KIF3A: variants seen among roughly 807,000 people sequenced by gnomAD.
KIF3A encodes the protein kinesin-like protein KIF3A.
In KIF3A, 27 loss-of-function variants were observed where a neutral mutation model predicts 92.6. The observed-to-expected ratio is 0.29, with a 90% CI of 0.21 to 0.40. The LOEUF (loss-of-function observed/expected upper bound fraction) is 0.40, where lower values mean the gene tolerates loss of function less well. Ranked by LOEUF, KIF3A falls within the 10% of genes least tolerant of loss-of-function variation. KIF3A has a pLI of 1.00. For synonymous variants in KIF3A, 250 were observed against 275.4 expected, an observed-to-expected ratio of 0.91 and a Z score of 0.92; for missense variants, 581 against 872.6, an observed-to-expected ratio of 0.67 and a Z score of 4.21.
intron 11 of KIF3A, among the ~76,000 whole-genome samples, chr5:132,705,744 C>A (rs3798132): frequency 6.6e-6 from 1 of 151,750 alleles, no homozygotes; most frequent in African/African-American, 2.4e-5. Flanking sequence ...ATCACTCTGA[C>A]AAATCATTAT....
At chr5:132,721,707 C>G (rs1581090361) in intron 4 of KIF3A, 1 of 136,262 alleles carries the variant, frequency 7.3e-6, no homozygotes, top group African/African-American at 3.1e-5. Flanking sequence ...AGCCCTAATT[C>G]TATTAGTAGT....
At chr5:132,700,549 C>G (rs1752999253) in intron 16 of KIF3A, 98 bp downstream of exon 16, 2 of 794,030 alleles carry the variant, frequency 2.5e-6, no homozygotes, top group South Asian at 3.0e-5. Context: ...TCTGATTCAT[C>G]TACTGGACCA....
At chr5:132,727,195 A>G (rs564617992) in intron 2 of KIF3A, among the ~76,000 whole-genome samples, 2 of 152,380 alleles carry the variant, frequency 1.3e-5, no homozygotes, top group Admixed American at 6.5e-5. Context: ...AACTTTCTAA[A>G]TACCCAAATT....
At chr5:132,736,139 C>T (rs934272271) in intron 1 of KIF3A, among the ~76,000 whole-genome samples, 1 of 152,224 alleles carries the variant, frequency 6.6e-6, no homozygotes, top group Non-Finnish European at 1.5e-5. Context: ...TTTACTTTTG[C>T]TTGTTCCTTA....
chr5:132,729,158 G>A (rs1754140361), intron 2 of KIF3A, among the ~76,000 whole-genome samples: 1 of 152,132 alleles, frequency 6.6e-6, no homozygotes, highest in Non-Finnish European at 1.5e-5. Context: ...AGAGATAAAA[G>A]ACTACACATT....
At chr5:132,702,343 A>T (rs1365091223) in intron 14 of KIF3A, 131 bp from the exon 15 acceptor site, 2 of 849,458 alleles carry the variant, frequency 2.4e-6, no homozygotes, top group African/African-American at 1.7e-5. Flanking sequence ...AATGATAAAC[A>T]GCGTGACACT....
At chr5:132,724,669 G>GCATTA (rs1001163690) in intron 4 of KIF3A, among the ~76,000 whole-genome samples, 1 of 151,166 alleles carries the variant, frequency 6.6e-6, no homozygotes, top group Non-Finnish European at 1.5e-5. Flanking sequence ...GGGAGGGATA[G>GCATTA]CATTAGGAGA....
chr5:132,716,948 G>C lies in KIF3A; in HGVS notation c.653C>G (p.Ser218Cys). 2 of 1,613,758 alleles carry C rather than the reference G, an allele frequency of 1.2e-6. No individual in the cohort carries two copies. The highest frequency in any genetic ancestry group is 1.7e-6 in the Non-Finnish European group (2 of 1,179,788). Residue 218 changes from serine to cysteine, a missense_variant, in exon 6 of 19, where the codon TCC becomes TGC. By Grantham distance (112) the Ser-to-Cys change is moderately radical. Transcript: ENST00000403231. ...VGATNMNEHS[S>C]RSHAIFTITI... ...AATTGTAAAGATGGCATGGGAACGGGAACTATGTTCGTTCATATTAGTTGC... is the reference window on the plus strand; with the variant it reads ...AATTGTAAAGATGGCATGGGAACGGCAACTATGTTCGTTCATATTAGTTGC...
intron 7 of KIF3A, 148 bp from the exon 8 acceptor site, chr5:132,716,079 A>G (rs1753611162): frequency 1.2e-6 from 1 of 845,940 alleles, no homozygotes; most frequent in Non-Finnish European, 1.8e-6. Context: ...TGAGTTTCCA[A>G]AGGACACTAT....
rs1752843892 is a variant in KIF3A, at chr5:132,696,582, T to C, written c.*52A>G. ...TTCACTGTTTTAATTAAAGATTTTGTCCAGGCATGAGAATATCACTAATTT... is the reference window on the plus strand; with the variant it reads ...TTCACTGTTTTAATTAAAGATTTTGCCCAGGCATGAGAATATCACTAATTT... On this transcript the variant is annotated 3_prime_UTR_variant, in exon 19 of 19. Transcript: ENST00000403231. 2.8e-6 allele frequency: 3 copies of C among 1,085,354 alleles called. No homozygotes were observed. Among genetic ancestry groups the C allele is most frequent in the Non-Finnish European group, 4.2e-6 (3 of 713,716 alleles). 67.2% of individuals were successfully genotyped at this position (1,085,354 alleles called of 1,614,324 possible).
intron 1 of KIF3A, among the ~76,000 whole-genome samples, chr5:132,736,140 T>C (rs1754382082): frequency 6.6e-6 from 1 of 152,242 alleles, no homozygotes; most frequent in African/African-American, 2.4e-5. Flanking sequence ...TTACTTTTGC[T>C]TGTTCCTTAT....
intron 10 of KIF3A, among the ~76,000 whole-genome samples, chr5:132,707,930 C>T (rs1361446004): frequency 6.6e-6 from 1 of 152,172 alleles, no homozygotes; most frequent in Non-Finnish European, 1.5e-5. Context: ...TGAAATAAGT[C>T]TAGATGGATC....
At chr5:132,720,337 A>G (rs917962286) in intron 5 of KIF3A, among the ~76,000 whole-genome samples, 2 of 152,184 alleles carry the variant, frequency 1.3e-5, no homozygotes, top group East Asian at 1.9e-4. Flanking sequence ...AAACATTACC[A>G]ATTTTACTAT....
downstream of KIF3A, among the ~76,000 whole-genome samples, chr5:132,689,261 G>A (rs890162553): frequency 6.6e-6 from 1 of 152,206 alleles, no homozygotes; most frequent in African/African-American, 2.4e-5. Context: ...TTTAAGTTCA[G>A]GCTGTGGCTT....
At position 132,710,944 on chromosome 5, in the gene KIF3A, C is replaced by A; in HGVS notation, c.1228+15G>T. On this transcript the variant is annotated intron_variant, in intron 9 of 18. Coordinates refer to ENST00000403231, the MANE Select transcript of KIF3A (RefSeq NM_001300791.2). ...CACCTAATTTCTACAAATCAGATTACTAAACAGAACTTACCCCTTCTTTTT... is the reference window on the plus strand; with the variant it reads ...CACCTAATTTCTACAAATCAGATTAATAAACAGAACTTACCCCTTCTTTTT... 1 of 1,613,764 alleles carries A rather than the reference C, an allele frequency of 6.2e-7. No individual in the cohort carries two copies. Among genetic ancestry groups the A allele is most frequent in the South Asian group, 1.1e-5 (1 of 91,056 alleles).
intron 4 of KIF3A, 36 bp downstream of exon 4, chr5:132,726,092 T>C (rs201978206): frequency 6.9e-7 from 1 of 1,449,174 alleles, no homozygotes; most frequent in South Asian, 1.3e-5. Flanking sequence ...TCTATTGCTT[T>C]GGAAAAAGTA....
intron 2 of KIF3A, among the ~76,000 whole-genome samples, chr5:132,732,144 G>C (rs1426773272): frequency 6.6e-6 from 1 of 152,170 alleles, no homozygotes; most frequent in East Asian, 1.9e-4. Context: ...GGTACTAAGA[G>C]GGCAGTCATC....
chr5:132,733,511 G>A (rs1754301195), intron 2 of KIF3A, among the ~76,000 whole-genome samples: 1 of 152,346 alleles, frequency 6.6e-6, no homozygotes, highest in Non-Finnish European at 1.5e-5. Flanking sequence ...GCTGACATGG[G>A]AAATCCCAGG....
rs188923093 is a variant in KIF3A, at chr5:132,717,896, C to T, written c.617-912G>A. Among the ~76,000 whole-genome samples, 301 of 152,004 alleles carry T rather than the reference C, an allele frequency of 2.0e-3. 3 individuals are homozygous for T. The highest frequency in any genetic ancestry group is 6.8e-3 in the African/African-American group (282 of 41,430). On this transcript the variant is annotated intron_variant, in intron 5 of 18. Coordinates refer to ENST00000403231, the MANE Select transcript of KIF3A (RefSeq NM_001300791.2). ...ATCTTTAATGAAGTGACCAAAAGCT[C>T]CAATTAACTACCTGAGAATTAAATT...
Sources: gnomAD v4.1 joint callset for allele counts (sites outside exome capture counted in the v4.1 genomes callset) on GRCh38, gnomAD v4.1.1 for gene constraint, MANE v1.5 for transcripts, NCBI Gene and HGNC (gene_info 2026-07-23, HGNC 2026-07-21) for gene names.